The following CNTN4 variants were observed in gnomAD, a reference collection of about 807,000 sequenced individuals.
The protein encoded by CNTN4 is contactin 4.
In CNTN4, 77 loss-of-function variants were observed where a neutral mutation model predicts 122.5. The ratio of observed to expected loss-of-function variants is 0.63; its 90% CI spans 0.52 to 0.76. The LOEUF is 0.76. CNTN4 is among the 30% of genes least tolerant of loss of function. The probability of loss-of-function intolerance (pLI) is 0.00; values close to 1 mark genes in which losing one functional copy is unlikely to be tolerated. For missense variants in CNTN4, 1,256 were observed against 1,259.1 expected (o/e 1.00, Z 0.04); for synonymous variants, 512 against 447.0 (o/e 1.15, Z -1.83).
At chr3:2,582,192 A>T (rs1276980931) in intron 4 of CNTN4, among the ~76,000 whole-genome samples, 2 of 152,248 alleles carry the variant, frequency 1.3e-5, no homozygotes, top group East Asian at 3.8e-4. Flanking sequence ...CTGAGGAGAA[A>T]AAAAGTACTA....
chr3:2,117,899 G>C (rs1441317709), intron 2 of CNTN4, among the ~76,000 whole-genome samples: 1 of 152,070 alleles, frequency 6.6e-6, no homozygotes, highest in Non-Finnish European at 1.5e-5. Context: ...CATCTGTCAG[G>C]TGGTTTTACT....
chr3:2,403,221 T>A (rs2046920342), intron 3 of CNTN4, among the ~76,000 whole-genome samples: 1 of 152,090 alleles, frequency 6.6e-6, no homozygotes, highest in African/African-American at 2.4e-5. Context: ...CCTGCTCTAC[T>A]CCAGTATGAC....
At chr3:2,906,956 C>G (rs980230503) in intron 12 of CNTN4, among the ~76,000 whole-genome samples, 2 of 152,048 alleles carry the variant, frequency 1.3e-5, no homozygotes, top group Non-Finnish European at 2.9e-5. Context: ...TTTAATATCC[C>G]ATTTTCCCTT....
At chr3:2,502,195 G>C (rs950183143) in intron 3 of CNTN4, among the ~76,000 whole-genome samples, 1 of 151,932 alleles carries the variant, frequency 6.6e-6, no homozygotes, top group Non-Finnish European at 1.5e-5. Flanking sequence ...ACATTTAGTG[G>C]GGAGCATTAT....
At chr3:2,961,831 T>C (rs758131638) in intron 13 of CNTN4, among the ~76,000 whole-genome samples, 1 of 152,228 alleles carries the variant, frequency 6.6e-6, no homozygotes. Context: ...AGATAAGCTT[T>C]GAAAAACACT....
rs541859624 is a variant in CNTN4, at chr3:2,684,025, T to C, written c.56-52190T>C. ...AAAGAATCAACCTTACAGGCAGGGT[T>C]TAATCTGATTAGGAATAGTGGAGGG... On this transcript the variant is annotated intron_variant, in intron 4 of 24. Transcript: ENST00000418658. Among the ~76,000 whole-genome samples the C allele has an allele frequency of 8.5e-5, 13 of 152,280 alleles. No homozygotes were observed. In the South Asian group the frequency reaches 2.7e-3, roughly 32 times the overall value.
At chr3:2,768,930 A>T (rs1476781122) in intron 6 of CNTN4, among the ~76,000 whole-genome samples, 1 of 152,314 alleles carries the variant, frequency 6.6e-6, no homozygotes, top group African/African-American at 2.4e-5. Flanking sequence ...ATTAAGGGAC[A>T]GATCCGAGGA....
chr3:2,758,839 G>A (rs1002832398), intron 6 of CNTN4, among the ~76,000 whole-genome samples: 2 of 151,854 alleles, frequency 1.3e-5, no homozygotes, highest in African/African-American at 2.4e-5. Context: ...TAACATCTTT[G>A]TTAAGATACC....
chr3:2,398,411 G>A (rs1462406901), intron 3 of CNTN4, among the ~76,000 whole-genome samples: 1 of 152,012 alleles, frequency 6.6e-6, no homozygotes, highest in African/African-American at 2.4e-5. Flanking sequence ...ATTTTTTCAT[G>A]TTTAATATGG....
chr3:2,620,378 T>G (rs1226220199), intron 4 of CNTN4, among the ~76,000 whole-genome samples: 2 of 151,956 alleles, frequency 1.3e-5, no homozygotes, highest in Admixed American at 6.6e-5. Flanking sequence ...CATGTGCCTG[T>G]AGTCCCAGCT....
intron 2 of CNTN4, among the ~76,000 whole-genome samples, chr3:2,178,767 C>G (rs905370672): frequency 1.3e-5 from 2 of 151,950 alleles, no homozygotes; most frequent in Admixed American, 1.3e-4. Flanking sequence ...CTGTTATCAT[C>G]TAACTCTAAA....
intron 4 of CNTN4, among the ~76,000 whole-genome samples, chr3:2,648,137 A>G (rs2083210495): frequency 6.6e-6 from 1 of 152,172 alleles, no homozygotes; most frequent in Non-Finnish European, 1.5e-5. Context: ...ACCACCATCT[A>G]AACATTATCT....
intron 4 of CNTN4, among the ~76,000 whole-genome samples, chr3:2,600,156 C>A (rs1423376790): frequency 1.3e-5 from 2 of 151,496 alleles, no homozygotes. Context: ...ACTACTCTCT[C>A]CTCTCTTTCT....
At chr3:2,929,621 C>T (rs1341642516) in intron 13 of CNTN4, among the ~76,000 whole-genome samples, 2 of 152,162 alleles carry the variant, frequency 1.3e-5, no homozygotes, top group South Asian at 2.1e-4. Flanking sequence ...GACTCTGTCT[C>T]GCTCTCTTCC....
intron 2 of CNTN4, among the ~76,000 whole-genome samples, chr3:2,219,652 A>T (rs1023153415): frequency 2.6e-5 from 4 of 152,294 alleles, no homozygotes; most frequent in Middle Eastern, 3.4e-3. Context: ...AAATATAATA[A>T]AATAATGGCT....
chr3:3,057,312 T>C lies in CNTN4; in HGVS notation c.*1092T>C, dbSNP rs968144854. On this transcript the variant is annotated 3_prime_UTR_variant, in exon 25 of 25. Transcript: ENST00000418658. ...AAATAGTTGCTGCAAGAATTTTTAATATGACTCTATAAAAGCTCTTTAGTA... is the reference window on the plus strand; with the variant it reads ...AAATAGTTGCTGCAAGAATTTTTAACATGACTCTATAAAAGCTCTTTAGTA... 6.6e-6 allele frequency: 1 copy of C among 152,670 alleles called. No individual in the cohort carries two copies. The highest frequency in any genetic ancestry group is 2.4e-5 in the African/African-American group (1 of 41,470). 9.5% of individuals were successfully genotyped at this position (152,670 alleles called of 1,614,324 possible). A position where few individuals can be genotyped will look rare whatever the true frequency, so the allele number is the denominator to read the frequency against.
At chr3:2,516,363 T>C (rs2149108703) in intron 3 of CNTN4, among the ~76,000 whole-genome samples, 1 of 152,118 alleles carries the variant, frequency 6.6e-6, no homozygotes, top group East Asian at 1.9e-4. Context: ...ACTATTTCAA[T>C]GCAAACTAGA....
At chr3:2,782,521 A>G (rs1437573598) in intron 6 of CNTN4, among the ~76,000 whole-genome samples, 11 of 116,796 alleles carry the variant, frequency 9.4e-5, no homozygotes, top group African/African-American at 2.3e-4. Context: ...GTGTGTTTTA[A>G]TGGGAAGGAA....
intron 2 of CNTN4, among the ~76,000 whole-genome samples, chr3:2,207,161 A>T (rs975806952): frequency 1.3e-5 from 2 of 152,088 alleles, no homozygotes; most frequent in African/African-American, 4.8e-5. Flanking sequence ...TGACTACTGC[A>T]GCTACCAGCC....
Sources: gnomAD v4.1 joint callset for allele counts (sites outside exome capture counted in the v4.1 genomes callset) on GRCh38, gnomAD v4.1.1 for gene constraint, MANE v1.5 for transcripts, NCBI Gene and HGNC (gene_info 2026-07-23, HGNC 2026-07-21) for gene names.